The following DYSF variants were observed in gnomAD, a reference collection of about 807,000 sequenced individuals.
The protein encoded by DYSF is dysferlin, also known as dystrophy-associated fer-1-like 1.
DYSF carries 212 observed loss-of-function variants against 274.9 expected under a neutral mutation model. That is an observed-to-expected ratio of 0.77 (90% CI 0.69 to 0.86). The LOEUF (loss-of-function observed/expected upper bound fraction) is 0.86. Among genes scored for constraint, DYSF ranks in the 40% least tolerant of loss-of-function variants. The probability of loss-of-function intolerance (pLI) is 0.00; values close to 1 mark genes in which losing one functional copy is unlikely to be tolerated. For synonymous variants in DYSF, 1,091 were observed against 1,078.7 expected (o/e 1.01, Z -0.22); for missense variants, 2,666 against 2,783.2 (o/e 0.96, Z 0.95).
intron 17 of DYSF, among the ~76,000 whole-genome samples, chr2:71,542,680 C>A (rs538548769): frequency 6.6e-6 from 1 of 152,054 alleles, no homozygotes; most frequent in Non-Finnish European, 1.5e-5. Context: ...CAGAGAGCAC[C>A]GGGTTGGGGG....
chr2:71,628,465 G>T (rs1223404606), intron 41 of DYSF, among the ~76,000 whole-genome samples: 9 of 149,310 alleles, frequency 6.0e-5, no homozygotes, highest in African/African-American at 2.2e-4. Flanking sequence ...AGGGCCTATT[G>T]AAATTCCTAT....
chr2:71,516,099 C>A, intron 8 of DYSF, 81 bp from the exon 9 acceptor site: 1 of 1,385,872 alleles, frequency 7.2e-7, no homozygotes, highest in Non-Finnish European at 1.0e-6. Context: ...GGCGTGGAGG[C>A]TTGGGGGTGG....
intron 13 of DYSF, 69 bp downstream of exon 13, chr2:71,526,415 C>T (rs1573746111): frequency 6.1e-5 from 25 of 411,292 alleles, no homozygotes; most frequent in East Asian, 1.7e-4. Context: ...TGGGGGTGGG[C>T]GATGGCGGGC....
At chr2:71,586,345 G>C (rs909285424) in intron 30 of DYSF, among the ~76,000 whole-genome samples, 5 of 152,232 alleles carry the variant, frequency 3.3e-5, no homozygotes, top group Non-Finnish European at 5.9e-5. Flanking sequence ...ATCCCCATCT[G>C]TCTCCCTGAG....
intron 29 of DYSF, among the ~76,000 whole-genome samples, chr2:71,572,409 A>G (rs2092547065): frequency 2.0e-5 from 3 of 152,268 alleles, no homozygotes; most frequent in South Asian, 4.1e-4. Flanking sequence ...TCAGATGCCC[A>G]TGATTACAGA....
intron 17 of DYSF, among the ~76,000 whole-genome samples, chr2:71,543,921 A>C (rs1395183364): frequency 3.6e-5 from 5 of 138,914 alleles, no homozygotes; most frequent in Admixed American, 3.6e-4. Flanking sequence ...AGGGGGAGGG[A>C]GAAGGAGAGG....
At chr2:71,574,486 C>G in intron 30 of DYSF, 115 bp downstream of exon 30, 2 of 1,302,336 alleles carry the variant, frequency 1.5e-6, no homozygotes, top group Non-Finnish European at 2.1e-6. Flanking sequence ...TTGGATGGAA[C>G]GCTGGCTGGT....
intron 41 of DYSF, among the ~76,000 whole-genome samples, chr2:71,638,433 T>C (rs543560830): frequency 6.6e-6 from 1 of 152,264 alleles, no homozygotes; most frequent in South Asian, 2.1e-4. Context: ...CTATTATTTT[T>C]CCATGACAGA....
At chr2:71,582,339 C>A (rs1474607898) in intron 30 of DYSF, among the ~76,000 whole-genome samples, 1 of 152,132 alleles carries the variant, frequency 6.6e-6, no homozygotes, top group South Asian at 2.1e-4. Flanking sequence ...TCTGCCCTGT[C>A]CACATAGTAT....
chr2:71,528,664 T>C (rs904508391), intron 14 of DYSF, among the ~76,000 whole-genome samples: 12 of 151,978 alleles, frequency 7.9e-5, no homozygotes, highest in Admixed American at 7.2e-4. Context: ...CGTTGGATGG[T>C]GGATAGTAGA....
intron 30 of DYSF, among the ~76,000 whole-genome samples, chr2:71,580,112 T>C (rs559714203): frequency 6.6e-6 from 1 of 152,186 alleles, no homozygotes; most frequent in Admixed American, 6.5e-5. Flanking sequence ...GGAGTCCCTT[T>C]GTGGTGGGGT....
intron 3 of DYSF, among the ~76,000 whole-genome samples, chr2:71,497,006 A>G (rs2152706051): frequency 6.6e-6 from 1 of 152,322 alleles, no homozygotes. Flanking sequence ...AAATCAGGCA[A>G]GTCAAACACC....
rs1278864604 is a variant in DYSF, at chr2:71,511,922, G to A, written c.460+1G>A. 3 of 1,541,508 alleles carry A rather than the reference G, an allele frequency of 1.9e-6. No homozygotes were observed. The highest frequency in any genetic ancestry group is 1.8e-4 in the Middle Eastern group (1 of 5,504). On this transcript the variant is annotated splice_donor_variant, in intron 5 of 55. Transcript: ENST00000410020. LOFTEE classifies it high-confidence loss of function. The stretch of plus-strand genomic sequence containing the variant: ...CTGCCTGACCTGGATGTAGTGGCAG[G>A]TGGGTAGCCCACGTTGGCCTGGCTG...
intron 41 of DYSF, among the ~76,000 whole-genome samples, chr2:71,624,558 T>G (rs2094171907): frequency 6.6e-6 from 1 of 152,226 alleles, no homozygotes; most frequent in Non-Finnish European, 1.5e-5. Context: ...CCAGAGCCAC[T>G]GTTTATGAAC....
chr2:71,679,064 G>A lies in DYSF; in HGVS notation c.5892G>A (p.Leu1964=), dbSNP rs746083114. 1 of 1,613,966 alleles carries A rather than the reference G, an allele frequency of 6.2e-7. No individual in the cohort carries two copies. The highest frequency in any genetic ancestry group is 8.5e-7 in the Non-Finnish European group (1 of 1,179,876). The change falls in exon 53 of 56, where the codon CTG becomes CTA. Residue 1964 remains leucine (L), a synonymous_variant. Transcript: ENST00000410020. ...KFSFDDFLGS[L]QLDLNRMPKP... ...ACTACCTCTCTGTTGCAGGCTCCCT[G>A]CAGCTCGATCTCAACCGCATGCCCA...
At position 71,620,620 on chromosome 2, in the gene DYSF, T is replaced by C; in HGVS notation, c.4527+11T>C. 6.4e-7 allele frequency: 1 copy of C among 1,551,164 alleles called. No individual in the cohort carries two copies. Among genetic ancestry groups the C allele is most frequent in the Non-Finnish European group, 8.7e-7 (1 of 1,146,744 alleles). On this transcript the variant is annotated intron_variant, in intron 41 of 55. Transcript: ENST00000410020. ...CCATCCAGTCCTCATGTATGTACTG[T>C]TTACTTATTTGTGGGCTCCTTGTAT...
At chr2:71,522,544 C>T (rs182437411) in intron 12 of DYSF, among the ~76,000 whole-genome samples, 3 of 152,284 alleles carry the variant, frequency 2.0e-5, no homozygotes, top group Non-Finnish European at 4.4e-5. Context: ...TCCCTGTTCC[C>T]TTGCTGTGTC....
intron 42 of DYSF, among the ~76,000 whole-genome samples, chr2:71,649,982 A>G (rs2094627601): frequency 6.6e-6 from 1 of 152,248 alleles, no homozygotes; most frequent in Non-Finnish European, 1.5e-5. Context: ...CTAAAATTAA[A>G]TGAGACAAAG....
At chr2:71,672,227 A>AAACTGGCTC (rs1477308413) in intron 51 of DYSF, among the ~76,000 whole-genome samples, 2 of 152,134 alleles carry the variant, frequency 1.3e-5, no homozygotes, top group African/African-American at 4.8e-5. Flanking sequence ...GCAGAGCCAG[A>AAACTGGCTC]GGGTCCCTCT....
Sources: allele counts gnomAD v4.1 joint callset (sites outside exome capture counted in the v4.1 genomes callset), GRCh38; gene constraint gnomAD v4.1.1; transcripts MANE v1.5; gene names NCBI Gene and HGNC (gene_info 2026-07-23, HGNC 2026-07-21).